Variants in RANBP9 observed in about 807,000 individuals in gnomAD.
RANBP9 encodes the protein RAN binding protein 9, also known as ran-binding protein 9.
A neutral mutation model predicts 84.3 loss-of-function variants in RANBP9; 15 were observed. The observed-to-expected ratio is 0.18, with a 90% CI of 0.12 to 0.27. The LOEUF is 0.27. Among genes scored for constraint, RANBP9 ranks in the 10% least tolerant of loss-of-function variants. The pLI is 1.00. For missense variants in RANBP9, 809 were observed against 912.8 expected, an observed-to-expected ratio of 0.89 and a Z score of 1.46; for synonymous variants, 392 against 349.6, an observed-to-expected ratio of 1.12 and a Z score of -1.35.
In RANBP9 at chr6:13,666,600, C is replaced by CAA. The variant is rs70989878; in HGVS notation, c.684-7770_684-7769dup. 4.5e-3 allele frequency among the ~76,000 whole-genome samples: 195 copies of CAA among 43,692 alleles called. 8 individuals are homozygous for CAA. Among genetic ancestry groups the CAA allele is most frequent in the African/African-American group, 0.011 (138 of 13,096 alleles). 28.7% of individuals were successfully genotyped at this position (43,692 alleles called of 152,430 possible). A position where few individuals can be genotyped will look rare whatever the true frequency, so the allele number is the denominator to read the frequency against. The stretch of plus-strand genomic sequence containing the variant: ...AGACCAGCCTGGGACCCCGTCTCTC[C>CAA]AAAAAAAAAAAAAAAAAAAAAAAAA... On this transcript the variant is annotated intron_variant, in intron 2 of 13. Coordinates refer to ENST00000011619, the MANE Select transcript of RANBP9 (RefSeq NM_005493.3).
intron 4 of RANBP9, among the ~76,000 whole-genome samples, chr6:13,656,416 C>G (rs1004611551): frequency 6.6e-6 from 1 of 151,606 alleles, no homozygotes; most frequent in Non-Finnish European, 1.5e-5. Context: ...AAAAAAACTT[C>G]TAAGAAAATG....
chr6:13,699,806 G>C (rs1757922750), intron 1 of RANBP9, among the ~76,000 whole-genome samples: 1 of 151,994 alleles, frequency 6.6e-6, no homozygotes, highest in Non-Finnish European at 1.5e-5. Flanking sequence ...AAGTTGCAAG[G>C]GCCTGACAGC....
intron 3 of RANBP9, 88 bp from the exon 4 acceptor site, chr6:13,657,364 A>G (rs1001161802): frequency 2.4e-5 from 25 of 1,028,316 alleles, no homozygotes; most frequent in Non-Finnish European, 3.2e-5. Flanking sequence ...AAATCAGAAC[A>G]GTACAAGATA....
At chr6:13,644,339 A>C (rs1765131591) in intron 6 of RANBP9, among the ~76,000 whole-genome samples, 1 of 152,202 alleles carries the variant, frequency 6.6e-6, no homozygotes, top group African/African-American at 2.4e-5. Flanking sequence ...CTGAAATACA[A>C]TTCTGTACGT....
chr6:13,709,795 CT>C (rs1758227516), intron 1 of RANBP9, among the ~76,000 whole-genome samples: 1 of 152,200 alleles, frequency 6.6e-6, no homozygotes, highest in Non-Finnish European at 1.5e-5. Flanking sequence ...CAAGCTTCTT[CT>C]CAAATTTCAG....
chr6:13,640,892 A>G (rs1034173071), intron 8 of RANBP9, among the ~76,000 whole-genome samples: 3 of 152,312 alleles, frequency 2.0e-5, no homozygotes, highest in South Asian at 2.1e-4. Context: ...AAAATGCCAG[A>G]GAGATTAAAT....
chr6:13,656,465 T>C lies in RANBP9; in HGVS notation c.904+644A>G, dbSNP rs1765404638. Among the ~76,000 whole-genome samples the C allele has an allele frequency of 2.6e-5, 4 of 152,184 alleles. No individual in the cohort carries two copies. In the South Asian group the frequency reaches 8.3e-4, roughly 31 times the overall value. On this transcript the variant is annotated intron_variant, in intron 4 of 13. Coordinates refer to ENST00000011619, the MANE Select transcript of RANBP9 (RefSeq NM_005493.3). ...ACATATAACTTTAAATTTGAAGTGCTATGAGTACATGAATAGTCCACTGAA... is the reference window on the plus strand; with the variant it reads ...ACATATAACTTTAAATTTGAAGTGCCATGAGTACATGAATAGTCCACTGAA...
chr6:13,705,122 G>A (rs780234409), intron 1 of RANBP9, among the ~76,000 whole-genome samples: 2 of 152,020 alleles, frequency 1.3e-5, no homozygotes, highest in African/African-American at 2.4e-5. Context: ...TATATCATTA[G>A]GCTGGGTGCA....
At chr6:13,622,586 T>C (rs567504334) in intron 13 of RANBP9, 94 bp from the exon 14 acceptor site, 4 of 1,299,562 alleles carry the variant, frequency 3.1e-6, no homozygotes, top group Middle Eastern at 2.0e-4. Flanking sequence ...CTTTAAAAAC[T>C]ACCACTCCCA....
At chr6:13,701,865 C>A (rs7751897) in intron 1 of RANBP9, among the ~76,000 whole-genome samples, 1 of 152,122 alleles carries the variant, frequency 6.6e-6, no homozygotes, top group African/African-American at 2.4e-5. Context: ...TCTATGTCCA[C>A]GGCAGTCTTC....
chr6:13,674,740 T>C (rs204229), intron 2 of RANBP9, among the ~76,000 whole-genome samples: 138,166 of 152,302 alleles, frequency 0.91, 62,919 homozygotes, highest in East Asian at 1. Flanking sequence ...CCAATACATA[T>C]TAAGGGCTGT....
In RANBP9 at chr6:13,646,761, A is replaced by T. The variant is rs562810943; in HGVS notation, c.928-2032T>A. Among the ~76,000 whole-genome samples, 237 of 152,332 alleles carry T rather than the reference A, an allele frequency of 1.6e-3. 3 individuals are homozygous for T. Among genetic ancestry groups the T allele is most frequent in the African/African-American group, 5.4e-3 (225 of 41,584 alleles). On this transcript the variant is annotated intron_variant, in intron 5 of 13. Transcript: ENST00000011619. ...GACAAATGACTCTCTAGAAAAAAAA[A>T]TCTGCCACACATATGGCAAAATGTG...
chr6:13,642,075 CT>C (rs1380174172), intron 7 of RANBP9, among the ~76,000 whole-genome samples: 2 of 152,190 alleles, frequency 1.3e-5, no homozygotes, highest in Admixed American at 6.6e-5. Context: ...ATAATAAATA[CT>C]TATGGATCAA....
chr6:13,642,696 T>C (rs1486323353), intron 6 of RANBP9, 105 bp from the exon 7 acceptor site: 2 of 657,506 alleles, frequency 3.0e-6, no homozygotes, highest in Non-Finnish European at 4.7e-6. Flanking sequence ...AAAACGAACC[T>C]ATTTCCTTGA....
At chr6:13,651,377 G>T (rs551012378) in intron 5 of RANBP9, among the ~76,000 whole-genome samples, 21 of 139,010 alleles carry the variant, frequency 1.5e-4, no homozygotes, top group South Asian at 2.4e-4. Context: ...ATAGTTTTTT[G>T]TTGTTGTTGT....
At chr6:13,699,638 G>A (rs1419901421) in intron 1 of RANBP9, among the ~76,000 whole-genome samples, 7 of 152,102 alleles carry the variant, frequency 4.6e-5, no homozygotes, top group Non-Finnish European at 7.4e-5. Flanking sequence ...TGAGGCGGGC[G>A]ATCACTTGAG....
At chr6:13,695,328 A>C (rs2113354950) in intron 2 of RANBP9, among the ~76,000 whole-genome samples, 1 of 151,650 alleles carries the variant, frequency 6.6e-6, no homozygotes, top group East Asian at 1.9e-4. Flanking sequence ...AGGGAGAGGC[A>C]GTAGAGATGA....
chr6:13,651,884 A>T (rs1037316609), intron 5 of RANBP9, among the ~76,000 whole-genome samples: 3 of 152,150 alleles, frequency 2.0e-5, no homozygotes, highest in Admixed American at 6.5e-5. Context: ...ATCTCTGATC[A>T]TCTGCTACTA....
intron 6 of RANBP9, among the ~76,000 whole-genome samples, chr6:13,643,697 CA>C (rs1182463158): frequency 1.3e-5 from 2 of 152,082 alleles, no homozygotes; most frequent in African/African-American, 4.8e-5. Context: ...ATTTTCAGAG[CA>C]TTAAAACAGT....
Sources: allele counts gnomAD v4.1 joint callset (sites outside exome capture counted in the v4.1 genomes callset), GRCh38; gene constraint gnomAD v4.1.1; transcripts MANE v1.5; gene names NCBI Gene and HGNC (gene_info 2026-07-23, HGNC 2026-07-21).